The following KIDINS220 variants were observed in gnomAD, a reference collection of about 807,000 sequenced individuals.
KIDINS220 encodes the protein kinase D interacting substrate 220, also known as kinase D-interacting substrate of 220 kDa.
KIDINS220 carries 63 observed loss-of-function variants against 157.6 expected under a neutral mutation model. That is an observed-to-expected ratio of 0.40 (90% confidence interval 0.33 to 0.49). KIDINS220 has a LOEUF of 0.49. Ranked by LOEUF, KIDINS220 falls within the 20% of genes least tolerant of loss-of-function variation. The pLI is 0.66. For missense variants in KIDINS220, 1,772 were observed against 2,171.2 expected (o/e 0.82, Z 3.65); for synonymous variants, 732 against 783.6 (o/e 0.93, Z 1.10).
At chr2:8,761,258 ATGAC>A (rs796765841) in intron 22 of KIDINS220, among the ~76,000 whole-genome samples, 54 of 152,302 alleles carry the variant, frequency 3.5e-4, no homozygotes, top group African/African-American at 1.2e-3. Context: ...ATAAAACTGA[ATGAC>A]AGGCATAGAG....
intron 22 of KIDINS220, among the ~76,000 whole-genome samples, chr2:8,758,794 G>C (rs915769704): frequency 6.6e-6 from 1 of 151,962 alleles, no homozygotes; most frequent in Admixed American, 6.5e-5. Context: ...ACTATTCCAT[G>C]AGTCACCTTT....
At chr2:8,820,320 T>C (rs1677751047) in intron 2 of KIDINS220, among the ~76,000 whole-genome samples, 1 of 152,216 alleles carries the variant, frequency 6.6e-6, no homozygotes, top group Non-Finnish European at 1.5e-5. Context: ...GGGAAACATG[T>C]CTGTTTTGCT....
In KIDINS220 at chr2:8,729,682, G is replaced by GCGT. The variant is rs1315551249; in HGVS notation, c.*1037_*1038insACG. On this transcript the variant is annotated 3_prime_UTR_variant, in exon 30 of 30. Coordinates refer to ENST00000256707, the MANE Select transcript of KIDINS220 (RefSeq NM_020738.4). The stretch of plus-strand genomic sequence containing the variant: ...TATGATCCTTCCCCAGAACTAACAT[G>GCGT]CTGACTTAGGAACAGATGAAGTAGA... 25 of 984,686 alleles carry GCGT rather than the reference G, an allele frequency of 2.5e-5. No individual in the cohort carries two copies. The Admixed American group carries it at 1.2e-3, about 46-fold the overall frequency. The allele number at this position is 984,686 out of a possible 1,614,324, so 61.0% of individuals were successfully genotyped here.
intron 22 of KIDINS220, chr2:8,757,077 C>T (rs1222270532): frequency 5.8e-6 from 1 of 171,716 alleles, no homozygotes; most frequent in Non-Finnish European, 1.2e-5. Context: ...CACACTATTT[C>T]CTAGTCTATT....
At chr2:8,757,977 C>T (rs1364831591) in intron 22 of KIDINS220, among the ~76,000 whole-genome samples, 2 of 152,202 alleles carry the variant, frequency 1.3e-5, no homozygotes, top group Admixed American at 6.5e-5. Flanking sequence ...ATTCTCCTGC[C>T]TCAGCCTCCT....
rs369897192 is a variant in KIDINS220 at position 8,731,774 on chromosome 2, C to T, written c.4262G>A (p.Ser1421Asn). The T allele has an allele frequency of 6.4e-5, 104 of 1,614,014 alleles. No individual in the cohort carries two copies. The highest frequency in any genetic ancestry group is 8.5e-5 in the Non-Finnish European group (100 of 1,180,032). The part of the protein sequence containing the change: ...SPHSTYYMGQ[S>N]SSGGSIHSNL... Reference sequence around the variant, plus strand: ...TGAATGAATAGAGCCCCCTGATGAACTCTGACCCATGTAATATGTGCTATG... The same window carrying T: ...TGAATGAATAGAGCCCCCTGATGAATTCTGACCCATGTAATATGTGCTATG... Residue 1421 changes from serine (S) to asparagine (N), a missense_variant, in exon 30 of 30, where the codon AGT becomes AAT. Transcript: ENST00000256707. This position sits in a 1 kb window ranked among gnomAD's most constrained non-coding sequence, Gnocchi z 5.2.
chr2:8,771,061 T>C (rs551159736), intron 21 of KIDINS220, among the ~76,000 whole-genome samples: 67 of 152,338 alleles, frequency 4.4e-4, no homozygotes, highest in Admixed American at 1.5e-3. Flanking sequence ...TTTGGTTGTT[T>C]GATTTGCCAC....
At chr2:8,833,420 A>C (rs1476807831) in intron 1 of KIDINS220, among the ~76,000 whole-genome samples, 1 of 147,808 alleles carries the variant, frequency 6.8e-6, no homozygotes, top group Non-Finnish European at 1.5e-5. Flanking sequence ...AATCTTTTTT[A>C]TTCCTTCATA....
At chr2:8,826,220 T>C (rs189013350) in intron 2 of KIDINS220, among the ~76,000 whole-genome samples, 277 of 152,370 alleles carry the variant, frequency 1.8e-3, no homozygotes, top group African/African-American at 6.4e-3. Flanking sequence ...ATATAATACA[T>C]AACCTATTTA....
downstream of KIDINS220, chr2:8,727,215 A>G (rs1450503454): frequency 4.4e-6 from 5 of 1,130,110 alleles, no homozygotes; most frequent in South Asian, 2.1e-5. Context: ...TGCCCCCGCA[A>G]AAGAACAGTA....
chr2:8,729,955 C>T lies in KIDINS220; in HGVS notation c.*765G>A, dbSNP rs551846462. 4.7e-5 allele frequency: 46 copies of T among 985,318 alleles called. No homozygotes were observed. In the African/African-American group the frequency reaches 7.0e-4, roughly 15 times the overall value. The allele number at this position is 985,318 out of a possible 1,614,324, so 61.0% of individuals were successfully genotyped here. A position where few individuals can be genotyped will look rare whatever the true frequency, so the allele number is the denominator to read the frequency against. The stretch of plus-strand genomic sequence containing the variant: ...GGCACCATTTAAAAGAGTTGGAGAA[C>T]AGACCAGGGTGGCTTCTTGGGCACA... On this transcript the variant is annotated 3_prime_UTR_variant, in exon 30 of 30. Transcript: ENST00000256707.
chr2:8,740,696 C>A (rs190654777), intron 26 of KIDINS220, among the ~76,000 whole-genome samples: 4 of 152,206 alleles, frequency 2.6e-5, no homozygotes, highest in East Asian at 3.9e-4. Flanking sequence ...GCACTAAATA[C>A]CATTTCATAA....
At chr2:8,723,281 T>C (rs1663071111), downstream of KIDINS220, 1 of 152,386 alleles carries the variant, frequency 6.6e-6, no homozygotes, top group East Asian at 1.9e-4. Flanking sequence ...CCTGGGCGTG[T>C]GCATCCTCCA....
Position 8,747,167 on chromosome 2 carries a change from G to T in KIDINS220, c.3563C>A (p.Ser1188Tyr). 6.2e-7 allele frequency: 1 copy of T among 1,614,154 alleles called. No homozygotes were observed. Among genetic ancestry groups the T allele is most frequent in the South Asian group, 1.1e-5 (1 of 91,082 alleles). ...TACCCTCGAGGAGTCTGTGGGTGAA[G>T]AAAGCCCCTCAGCAGCATCCTCCTT... Reference protein sequence around the residue: ...VIKEDAAEGLSSPTDSSRGSG... With the variant: ...VIKEDAAEGLYSPTDSSRGSG... Residue 1188 changes from serine to tyrosine, a missense_variant, in exon 26 of 30, where the codon TCT becomes TAT. Ser to Tyr is a moderately radical substitution (Grantham distance 144). This residue lies in a region of KIDINS220 where 793 missense variants were observed against 885.5 expected (regional missense o/e 0.90). Coordinates refer to ENST00000256707, the MANE Select transcript of KIDINS220 (RefSeq NM_020738.4).
Position 8,788,727 on chromosome 2 carries a change from T to C in KIDINS220, c.1707A>G (p.Gly569=), listed in dbSNP as rs760441045. 1.2e-6 allele frequency: 2 copies of C among 1,614,114 alleles called. No homozygotes were observed. The highest frequency in any genetic ancestry group is 1.7e-6 in the Non-Finnish European group (2 of 1,179,958). Reference sequence around the variant, plus strand: ...TCAATTTAAGGAGGAGTTCCAAATATCCAATATGTCTTGCCAATCTAGTGC... The same window carrying C: ...TCAATTTAAGGAGGAGTTCCAAATACCCAATATGTCTTGCCAATCTAGTGC... ...VLSTRLARHI[G]YLELLLKLMF... is the part of the protein sequence containing the mutation. The change falls in exon 15 of 30, where the codon GGA becomes GGG. Residue 569 remains glycine, a synonymous_variant. Coordinates refer to ENST00000256707, the MANE Select transcript of KIDINS220 (RefSeq NM_020738.4).
At chr2:8,736,788 C>T in intron 27 of KIDINS220, 80 bp downstream of exon 27, 1 of 1,455,468 alleles carries the variant, frequency 6.9e-7, no homozygotes, top group Non-Finnish European at 9.3e-7. Context: ...GGAAGCTATA[C>T]ATAAAGTTTA....
Position 8,731,465 on chromosome 2 carries a change from T to C in KIDINS220, c.4571A>G (p.Asp1524Gly). ...LRYQKLPSDE[D>G]ESGTEESDNT... is the part of the protein sequence containing the mutation. Reference sequence around the variant, plus strand: ...ATCTGATTCTTCTGTGCCAGATTCATCCTCGTCACTTGGGAGTTTTTGATA... The same window carrying C: ...ATCTGATTCTTCTGTGCCAGATTCACCCTCGTCACTTGGGAGTTTTTGATA... Residue 1524 changes from aspartate to glycine, a missense_variant, in exon 30 of 30, where the codon GAT (aspartate) becomes GGT (glycine). Physicochemically the swap from Asp to Gly is moderately conservative, Grantham distance 94. Transcript: ENST00000256707. The surrounding 1 kb of genome is among the most constrained non-coding windows in gnomAD (Gnocchi z 5.2). 2 of 1,614,236 alleles carry C rather than the reference T, an allele frequency of 1.2e-6. No individual in the cohort carries two copies.
chr2:8,779,218 C>T, intron 18 of KIDINS220, 79 bp from the exon 19 acceptor site: 4 of 1,517,540 alleles, frequency 2.6e-6, no homozygotes, highest in East Asian at 2.3e-5. Context: ...AAAATATGTG[C>T]TACCTTTTGG....
downstream of KIDINS220, among the ~76,000 whole-genome samples, chr2:8,726,445 T>A (rs1663323317): frequency 6.6e-6 from 1 of 152,242 alleles, no homozygotes. Context: ...ATTTTAGAGG[T>A]TTCTTACTTA....
Sources: allele counts gnomAD v4.1 joint callset (sites outside exome capture counted in the v4.1 genomes callset), GRCh38; gene constraint gnomAD v4.1.1; regional missense constraint gnomAD v4.1.1; non-coding constraint Gnocchi (gnomAD v3.1); transcripts MANE v1.5; gene names NCBI Gene and HGNC (gene_info 2026-07-23, HGNC 2026-07-21).